Variants in ESCO2 observed in about 807,000 individuals in gnomAD.
The protein encoded by ESCO2 is N-acetyltransferase ESCO2.
Under a neutral mutation model 61.7 loss-of-function variants are expected in ESCO2, and 51 were observed. That is an observed-to-expected ratio of 0.83 (90% CI 0.66 to 1.04). The LOEUF is 1.04. Among genes scored for constraint, ESCO2 ranks in the 50% least tolerant of loss-of-function variants. The probability of loss-of-function intolerance (pLI) is 0.00; values close to 1 mark genes in which losing one functional copy is unlikely to be tolerated. For missense variants in ESCO2, 692 were observed against 686.2 expected (o/e 1.01, Z -0.09); for synonymous variants, 230 against 238.2 (o/e 0.97, Z 0.32).
chr8:27,803,801 C>A lies in ESCO2; in HGVS notation c.*363C>A, dbSNP rs72609983. On this transcript the variant is annotated 3_prime_UTR_variant, in exon 11 of 11. Transcript: ENST00000305188. ...AATGTGACCTGGTCTTTTATAAAGC[C>A]CACTCTTAGACCAGGATTATCTAAT... The A allele has an allele frequency of 0.11, 111,345 of 1,030,734 alleles. 7,371 individuals are homozygous for A. The highest frequency in any genetic ancestry group is 0.36 in the East Asian group (3,742 of 10,400). The allele number at this position is 1,030,734 out of a possible 1,614,324, so 63.8% of individuals were successfully genotyped here. A position where few individuals can be genotyped will look rare whatever the true frequency, so the allele number is the denominator to read the frequency against.
At position 27,804,638 on chromosome 8, in the gene ESCO2, C is replaced by A; in HGVS notation, c.*1200C>A. The A allele has an allele frequency of 4.1e-6, 4 of 985,362 alleles. No individual in the cohort carries two copies. Among genetic ancestry groups the A allele is most frequent in the Non-Finnish European group, 4.8e-6 (4 of 829,910 alleles). 61.0% of individuals were successfully genotyped at this position (985,362 alleles called of 1,614,324 possible). The stretch of plus-strand genomic sequence containing the variant: ...TGCTAACTGGCAATAAGACTCTAGG[C>A]AAGTCGTTTTCCAGATTGTAATTAT... On this transcript the variant is annotated 3_prime_UTR_variant, in exon 11 of 11. Coordinates refer to ENST00000305188, the MANE Select transcript of ESCO2 (RefSeq NM_001017420.3).
In ESCO2 at chr8:27,803,304, A is replaced by G. The variant is rs80359869; in HGVS notation, c.1674-2A>G. The G allele has an allele frequency of 1.2e-6, 2 of 1,613,820 alleles. No homozygotes were observed. Among genetic ancestry groups the G allele is most frequent in the Non-Finnish European group, 8.5e-7 (1 of 1,179,796 alleles). On this transcript the variant is annotated splice_acceptor_variant, in intron 10 of 10. Coordinates refer to ENST00000305188, the MANE Select transcript of ESCO2 (RefSeq NM_001017420.3). LOFTEE classifies it high-confidence loss of function. ...ATTAAATCATCTTTTCTTCTCTTTT[A>G]GGAATTGCTTCATGTTTGGCTGTTT...
rs571853068 is a variant in ESCO2, at chr8:27,793,854, G to A, written c.1497+1043G>A. 2.6e-5 allele frequency among the ~76,000 whole-genome samples: 4 copies of A among 152,186 alleles called. No individual in the cohort carries two copies. The East Asian group carries it at 5.8e-4, about 22-fold the overall frequency. On this transcript the variant is annotated intron_variant, in intron 9 of 10. Transcript: ENST00000305188. ...ATAGATCTGCAGAACTTACTCATGC[G>A]AACTTAAACTTTGTACCCTTTACCA...
At chr8:27,802,633 A>ATATATATATATATATATATATAT (rs1253908615) in intron 10 of ESCO2, among the ~76,000 whole-genome samples, 7 of 53,876 alleles carry the variant, frequency 1.3e-4, no homozygotes, top group African/African-American at 6.1e-4. Flanking sequence ...AAAAAAAAAT[A>ATATATATATATATATATATATAT]TATATATATA....
At chr8:27,818,601 A>ATAAT in the ESCO2 span, among the ~76,000 whole-genome samples, 1 of 152,208 alleles carries the variant, frequency 6.6e-6, no homozygotes, top group Non-Finnish European at 1.5e-5. Flanking sequence ...CAGTCTCTTC[A>ATAAT]TAATAGAGCT....
chr8:27,813,214 A>G (rs1805731302), downstream of ESCO2, among the ~76,000 whole-genome samples: 1 of 152,180 alleles, frequency 6.6e-6, no homozygotes, highest in South Asian at 2.1e-4. Flanking sequence ...AAACTATCAC[A>G]AGGACAGAAA....
downstream of ESCO2, among the ~76,000 whole-genome samples, chr8:27,813,170 G>C (rs34461536): frequency 0.26 from 39,341 of 152,042 alleles, 6,144 homozygotes; most frequent in Middle Eastern, 0.36. Context: ...CCTTTGCAGG[G>C]ACATGGATGC....
chr8:27,818,847 A>C, the ESCO2 span, among the ~76,000 whole-genome samples: 69 of 152,230 alleles, frequency 4.5e-4, 1 homozygote, highest in South Asian at 0.014. Context: ...ATTTATCTAC[A>C]ATTTTTTCTA....
At chr8:27,784,842 T>A (rs1397705863) in intron 5 of ESCO2, among the ~76,000 whole-genome samples, 2 of 152,186 alleles carry the variant, frequency 1.3e-5, no homozygotes, top group Non-Finnish European at 2.9e-5. Flanking sequence ...CCGGCTACAT[T>A]TTCCTTACTC....
At chr8:27,808,684 CAAAAAA>C (rs34162059), downstream of ESCO2, among the ~76,000 whole-genome samples, 3 of 106,588 alleles carry the variant, frequency 2.8e-5, no homozygotes, top group Admixed American at 1.9e-4. Context: ...GACCCTGTCT[CAAAAAA>C]AAAAAAAAAA....
upstream of ESCO2, among the ~76,000 whole-genome samples, chr8:27,774,150 A>C (rs1391895494): frequency 1.3e-5 from 2 of 149,576 alleles, no homozygotes; most frequent in African/African-American, 4.9e-5. Flanking sequence ...AAGTGCATCG[A>C]GAATCTTGGA....
upstream of ESCO2, among the ~76,000 whole-genome samples, chr8:27,772,833 AGAT>A (rs1245454671): frequency 1.3e-5 from 2 of 152,206 alleles, no homozygotes; most frequent in Non-Finnish European, 2.9e-5. Context: ...AGCGAAATGA[AGAT>A]GATACTAGAG....
At chr8:27,816,667 C>T (rs28402198), downstream of ESCO2, among the ~76,000 whole-genome samples, 23,818 of 151,696 alleles carry the variant, frequency 0.16, 2,383 homozygotes, top group East Asian at 0.36. Context: ...TCAGCCACTG[C>T]GCCCAGCCAG....
At chr8:27,806,619 T>TC (rs936833620), downstream of ESCO2, among the ~76,000 whole-genome samples, 2 of 146,478 alleles carry the variant, frequency 1.4e-5, no homozygotes, top group African/African-American at 5.2e-5. Context: ...TTGGATACTT[T>TC]CTTTTTTTTT....
At chr8:27,788,716 AT>A in intron 6 of ESCO2, 130 bp from the exon 7 acceptor site, 2 of 1,105,046 alleles carry the variant, frequency 1.8e-6, no homozygotes, top group Non-Finnish European at 2.7e-6. Flanking sequence ...CCAGATTTTC[AT>A]TTAGTTTTTC....
At chr8:27,819,511 TG>T in the ESCO2 span, among the ~76,000 whole-genome samples, 4 of 152,160 alleles carry the variant, frequency 2.6e-5, no homozygotes, top group African/African-American at 9.6e-5. Flanking sequence ...TTGGAGTTTT[TG>T]TTTCCTATTT....
At chr8:27,801,509 T>C (rs1409856593) in intron 10 of ESCO2, among the ~76,000 whole-genome samples, 1 of 152,200 alleles carries the variant, frequency 6.6e-6, no homozygotes, top group Non-Finnish European at 1.5e-5. Context: ...TTTGATTAGT[T>C]ATGAAATACT....
chr8:27,772,695 C>G, upstream of ESCO2: 1 of 662,190 alleles, frequency 1.5e-6, no homozygotes. Context: ...GCCGTGGGCG[C>G]CATTTTTAAT....
intron 1 of ESCO2, 27 bp downstream of exon 1, chr8:27,774,634 G>A (rs1804743214): frequency 1.3e-5 from 2 of 152,450 alleles, no homozygotes. Flanking sequence ...GCCGAGGCGG[G>A]GGGCTGTGGA....
Sources: gnomAD v4.1 joint callset for allele counts (sites outside exome capture counted in the v4.1 genomes callset) on GRCh38, gnomAD v4.1.1 for gene constraint, MANE v1.5 for transcripts, NCBI Gene and HGNC (gene_info 2026-07-23, HGNC 2026-07-21) for gene names.